The following DNAH6 variants were observed in gnomAD, a reference collection of about 807,000 sequenced individuals.
DNAH6 encodes the protein dynein axonemal heavy chain 6, also known as axonemal beta dynein heavy chain 6.
DNAH6 carries 340 observed loss-of-function variants against 491.4 expected under a neutral mutation model. The ratio of observed to expected loss-of-function variants is 0.69; its 90% CI spans 0.63 to 0.76. The LOEUF (loss-of-function observed/expected upper bound fraction) is 0.76, where lower values mean the gene tolerates loss of function less well. Ranked by LOEUF, DNAH6 falls within the 30% of genes least tolerant of loss-of-function variation. The pLI, the probability that DNAH6 is intolerant of heterozygous loss-of-function variation, is 0.00. For missense variants in DNAH6, 4,443 were observed against 4,972.2 expected, an observed-to-expected ratio of 0.89 and a Z score of 3.20; for synonymous variants, 1,603 against 1,686.1, an observed-to-expected ratio of 0.95 and a Z score of 1.21.
chr2:84,475,506 C>A, the DNAH6 span, among the ~76,000 whole-genome samples: 1 of 152,120 alleles, frequency 6.6e-6, no homozygotes, highest in Admixed American at 6.5e-5. Flanking sequence ...TTCTACGTTC[C>A]TTTTTTGTGT....
chr2:84,751,412 A>G (rs1176004459), intron 63 of DNAH6, among the ~76,000 whole-genome samples: 1 of 152,232 alleles, frequency 6.6e-6, no homozygotes, highest in African/African-American at 2.4e-5. Flanking sequence ...ATAGTCCAAC[A>G]AAGTGGCTTC....
At chr2:84,484,161 G>A in the DNAH6 span, among the ~76,000 whole-genome samples, 22 of 152,040 alleles carry the variant, frequency 1.4e-4, no homozygotes, top group Non-Finnish European at 2.6e-4. Context: ...TCCTGTCAGC[G>A]TGTCTGGGTT....
At chr2:84,493,607 T>C in the DNAH6 span, among the ~76,000 whole-genome samples, 1 of 152,148 alleles carries the variant, frequency 6.6e-6, no homozygotes, top group Admixed American at 6.5e-5. Flanking sequence ...TAATTTGAAC[T>C]CTATAAGCAA....
intron 4 of DNAH6, among the ~76,000 whole-genome samples, chr2:84,540,955 C>T (rs1292490642): frequency 6.6e-6 from 1 of 152,150 alleles, no homozygotes; most frequent in African/African-American, 2.4e-5. Context: ...ATCCTAAAGT[C>T]ATCTTCTTTA....
Position 84,653,443 on chromosome 2 carries a change from A to C in DNAH6, c.5203A>C (p.Lys1735Gln). The C allele has an allele frequency of 1.9e-6, 3 of 1,551,228 alleles. No homozygotes were observed. The highest frequency in any genetic ancestry group is 1.4e-5 in the African/African-American group (1 of 73,130). ...NLQPEMCMVR[K>Q]VIQFYETMLV... ...TCAGCCTGAGATGTGTATGGTTAGAAAGGTGATACAGTTTTATGAAACTAT... is the reference window on the plus strand; with the variant it reads ...TCAGCCTGAGATGTGTATGGTTAGACAGGTGATACAGTTTTATGAAACTAT... Residue 1735 changes from lysine to glutamine, a missense_variant, in exon 34 of 77, where the codon AAG becomes CAG. By Grantham distance (53) the Lys-to-Gln change is moderately conservative. This residue lies in a region of DNAH6 where 2,977 missense variants were observed against 3,296.6 expected (regional missense o/e 0.90). Transcript: ENST00000389394.
the DNAH6 span, among the ~76,000 whole-genome samples, chr2:84,506,190 T>C: frequency 6.6e-6 from 1 of 152,112 alleles, no homozygotes; most frequent in Non-Finnish European, 1.5e-5. Flanking sequence ...GTAAAAGTGT[T>C]CAAGTGTTCC....
chr2:84,564,741 A>T (rs910182115), intron 11 of DNAH6, among the ~76,000 whole-genome samples: 1 of 152,206 alleles, frequency 6.6e-6, no homozygotes, highest in Middle Eastern at 3.4e-3. Context: ...TAAGAGTGGT[A>T]AGGGTGAGCA....
chr2:84,735,516 A>G (rs1003885943), intron 62 of DNAH6, among the ~76,000 whole-genome samples: 8 of 152,328 alleles, frequency 5.3e-5, no homozygotes, highest in African/African-American at 1.9e-4. Flanking sequence ...CAGCAACAGT[A>G]TGTAAGCATT....
At chr2:84,653,263 A>G in intron 33 of DNAH6, 56 bp from the exon 34 acceptor site, 1 of 1,318,390 alleles carries the variant, frequency 7.6e-7, no homozygotes, top group East Asian at 2.5e-5. Flanking sequence ...TGTAACAAAT[A>G]CGGGAAAATA....
At chr2:84,544,556 A>T (rs1392578131) in intron 5 of DNAH6, 56 bp downstream of exon 5, 28 of 1,033,588 alleles carry the variant, frequency 2.7e-5, no homozygotes, top group Non-Finnish European at 3.9e-5. Flanking sequence ...AGAAAGTGTG[A>T]ATCTATTAAG....
chr2:84,678,426 G>A (rs764837643), intron 41 of DNAH6, among the ~76,000 whole-genome samples: 4 of 152,226 alleles, frequency 2.6e-5, no homozygotes, highest in Non-Finnish European at 5.9e-5. Flanking sequence ...CCACACCACA[G>A]ATACACTGTG....
In DNAH6 at chr2:84,688,571, G is replaced by T. The variant is rs1454458849; in HGVS notation, c.7270G>T (p.Asp2424Tyr). Residue 2424 changes from aspartate to tyrosine, a missense_variant, in exon 45 of 77, where the codon GAT (aspartate) becomes TAT (tyrosine). Physicochemically the swap from Asp to Tyr is radical, Grantham distance 160 (BLOSUM62 -3). This residue lies in a region of DNAH6 where 2,977 missense variants were observed against 3,296.6 expected (regional missense o/e 0.90). Transcript: ENST00000389394. ...AGAAGTAAAGTTGGTGTTCTTCCAG[G>T]ATGCTATAGAACATGTTTCAAGGTA... The part of the protein sequence containing the change: ...PKEVKLVFFQ[D>Y]AIEHVSRIAR... 5 of 1,542,772 alleles carry T rather than the reference G, an allele frequency of 3.2e-6. No homozygotes were observed. The South Asian group carries it at 6.1e-5, about 19-fold the overall frequency.
chr2:84,515,924 A>C (rs919916218), upstream of DNAH6, among the ~76,000 whole-genome samples: 2 of 152,198 alleles, frequency 1.3e-5, no homozygotes, highest in African/African-American at 4.8e-5. Context: ...TTACCTTCCA[A>C]GTGGAAAAGG....
At chr2:84,679,936 T>C (rs75992931) in intron 41 of DNAH6, among the ~76,000 whole-genome samples, 5,440 of 152,280 alleles carry the variant, frequency 0.036, 355 homozygotes, top group African/African-American at 0.12. Context: ...AACAGAAGGC[T>C]GGAGCTTTTT....
chr2:84,653,819 G>T lies in DNAH6; in HGVS notation c.5579G>T (p.Cys1860Phe), dbSNP rs1690688187. 4 of 1,551,304 alleles carry T rather than the reference G, an allele frequency of 2.6e-6. No homozygotes were observed. The highest frequency in any genetic ancestry group is 3.9e-5 in the Admixed American group (2 of 50,956). The change falls in exon 34 of 77, where the codon TGC (cysteine) becomes TTC (phenylalanine). Residue 1860 changes from cysteine (C) to phenylalanine (F), a missense_variant. Around this residue, in one of 3 missense-constraint regions of DNAH6, gnomAD observed 2,977 missense variants for 3,296.6 expected, o/e 0.90. Transcript: ENST00000389394. The stretch of plus-strand genomic sequence containing the variant: ...GTGCTGGATGATAACAAGATGCTTT[G>T]CCTGGCTAACAGTGAGAGGATTAAA... ...NTVLDDNKML[C>F]LANSERIKLT...
At chr2:84,711,938 C>CAGCAG (rs1697083956) in intron 56 of DNAH6, among the ~76,000 whole-genome samples, 1 of 152,222 alleles carries the variant, frequency 6.6e-6, no homozygotes, top group Non-Finnish European at 1.5e-5. Context: ...TCTTTCATGG[C>CAGCAG]AGCAGACAAA....
At chr2:84,774,988 G>T (rs1044274524) in intron 64 of DNAH6, among the ~76,000 whole-genome samples, 2 of 152,068 alleles carry the variant, frequency 1.3e-5, no homozygotes, top group South Asian at 4.1e-4. Flanking sequence ...CTATTTGGAT[G>T]TCTTTTATTT....
In DNAH6 at chr2:84,727,826, A is replaced by G; in HGVS notation, c.10130A>G (p.Glu3377Gly). ...ATCTACAGCTTTATGCTTTGTGTTG[A>G]GATGATGCGTCAGCAAGGAACCCTA... ...KLIYSFMLCV[E>G]MMRQQGTLSD... is the part of the protein sequence containing the mutation. Residue 3377 changes from glutamate (E) to glycine (G), a missense_variant, in exon 61 of 77, where the codon GAG becomes GGG. Physicochemically the swap from Glu to Gly is moderately conservative, Grantham distance 98. Around this residue, in one of 3 missense-constraint regions of DNAH6, gnomAD observed 1,463 missense variants for 1,656.6 expected, o/e 0.88. Coordinates refer to ENST00000389394, the MANE Select transcript of DNAH6 (RefSeq NM_001370.2). The G allele has an allele frequency of 2.6e-6, 4 of 1,552,128 alleles. No individual in the cohort carries two copies. The highest frequency in any genetic ancestry group is 3.5e-6 in the Non-Finnish European group (4 of 1,147,046).
chr2:84,670,508 A>G (rs1442595752), intron 39 of DNAH6, 33 bp downstream of exon 39: 5 of 1,358,108 alleles, frequency 3.7e-6, no homozygotes, highest in Admixed American at 5.1e-5. Flanking sequence ...GTCCCACACA[A>G]ATTATTCATT....
Sources: gnomAD v4.1 joint callset for allele counts (sites outside exome capture counted in the v4.1 genomes callset) on GRCh38, gnomAD v4.1.1 for gene constraint, gnomAD v4.1.1 regional missense constraint, MANE v1.5 for transcripts, NCBI Gene and HGNC (gene_info 2026-07-23, HGNC 2026-07-21) for gene names.